MYO9B: variants seen among roughly 807,000 people sequenced by gnomAD.
The protein encoded by MYO9B is unconventional myosin-IXb.
A neutral mutation model predicts 229.5 loss-of-function variants in MYO9B; 71 were observed. The observed-to-expected ratio is 0.31, with a 90% CI of 0.26 to 0.38. The LOEUF (loss-of-function observed/expected upper bound fraction) is 0.38, where lower values mean the gene tolerates loss of function less well. Ranked by LOEUF, MYO9B falls within the 10% of genes least tolerant of loss-of-function variation. The pLI is 1.00. For missense variants in MYO9B, 2,255 were observed against 2,920.5 expected (o/e 0.77, Z 5.25); for synonymous variants, 1,185 against 1,235.8 (o/e 0.96, Z 0.86).
intron 11 of MYO9B, among the ~76,000 whole-genome samples, chr19:17,170,191 C>A (rs2072707551): frequency 1.3e-5 from 2 of 152,048 alleles, no homozygotes; most frequent in East Asian, 1.9e-4. Flanking sequence ...GCCATTACAC[C>A]TGACCCTGTC....
Position 17,212,371 on chromosome 19 carries a change from A to G in MYO9B, c.*61A>G. On this transcript the variant is annotated 3_prime_UTR_variant, in exon 40 of 40. Transcript: ENST00000682292. This position sits in a 1 kb window ranked among gnomAD's most constrained non-coding sequence, Gnocchi z 5.4. ...GGCCCCTGCACTGGAGCTGGGCGCC[A>G]GAGCTGCAGAGCTAGTGTTCGGCCC... 1 of 1,403,782 alleles carries G rather than the reference A, an allele frequency of 7.1e-7. No individual in the cohort carries two copies. Among genetic ancestry groups the G allele is most frequent in the Non-Finnish European group, 9.3e-7 (1 of 1,078,320 alleles). 87.0% of individuals were successfully genotyped at this position (1,403,782 alleles called of 1,614,324 possible).
chr19:17,140,177 C>T (rs1010229811), intron 2 of MYO9B, among the ~76,000 whole-genome samples: 10 of 152,142 alleles, frequency 6.6e-5, no homozygotes, highest in Admixed American at 5.2e-4. Flanking sequence ...TGTGGTCCAT[C>T]GTTGATGGTC....
chr19:17,076,965 C>T (rs1046239584), intron 1 of MYO9B, among the ~76,000 whole-genome samples: 1 of 152,150 alleles, frequency 6.6e-6, no homozygotes, highest in African/African-American at 2.4e-5. Context: ...CCTGGGCACC[C>T]TGGAGGCCAG....
At chr19:17,186,653 G>A (rs908709313) in intron 18 of MYO9B, among the ~76,000 whole-genome samples, 4 of 152,122 alleles carry the variant, frequency 2.6e-5, no homozygotes, top group African/African-American at 4.8e-5. Flanking sequence ...GCACTGGAGG[G>A]TGGCAGCATC....
intron 2 of MYO9B, among the ~76,000 whole-genome samples, chr19:17,130,447 C>G (rs1047405511): frequency 2.0e-5 from 3 of 152,004 alleles, no homozygotes; most frequent in African/African-American, 7.2e-5. Flanking sequence ...GAAACCCTGT[C>G]TCTACTAAAA....
At chr19:17,109,165 G>A (rs573950662) in intron 2 of MYO9B, among the ~76,000 whole-genome samples, 28 of 151,244 alleles carry the variant, frequency 1.9e-4, no homozygotes, top group Admixed American at 4.6e-4. Flanking sequence ...TCCCGGGTTC[G>A]TGCCATTCTC....
At chr19:17,082,540 G>A (rs527584338) in intron 1 of MYO9B, among the ~76,000 whole-genome samples, 15 of 152,236 alleles carry the variant, frequency 9.9e-5, no homozygotes, top group African/African-American at 1.4e-4. Flanking sequence ...AGACGAGATC[G>A]GGGGCAGGAG....
intron 1 of MYO9B, among the ~76,000 whole-genome samples, chr19:17,085,062 G>T (rs2057569670): frequency 6.6e-6 from 1 of 152,124 alleles, no homozygotes; most frequent in Non-Finnish European, 1.5e-5. Flanking sequence ...CTGGCCTGAG[G>T]TGACTTCTTT....
Position 17,212,285 on chromosome 19 carries a change from C to T in MYO9B, c.6449C>T (p.Pro2150Leu). The part of the protein sequence containing the change: ...YSDPPTYCLP[P>L]ASGQTNG ...GATCCCCCAACGTACTGCCTGCCCC[C>T]CGCCTCGGGCCAGACCAATGGCTGA... The change falls in exon 40 of 40, where the codon CCC becomes CTC. Residue 2150 changes from proline (P) to leucine (L), a missense_variant. Coordinates refer to ENST00000682292, the MANE Select transcript of MYO9B (RefSeq NM_004145.4). This position sits in a 1 kb window ranked among gnomAD's most constrained non-coding sequence, Gnocchi z 5.4. The T allele has an allele frequency of 6.5e-7, 1 of 1,531,418 alleles. No individual in the cohort carries two copies. 94.9% of individuals were successfully genotyped at this position (1,531,418 alleles called of 1,614,324 possible).
rs1228461503 is a variant in MYO9B, at chr19:17,127,789, C to T, written c.841-17608C>T. On this transcript the variant is annotated intron_variant, in intron 2 of 39. Transcript: ENST00000682292. The stretch of plus-strand genomic sequence containing the variant: ...GCCCCTACCTGTTTGTCTGTGACCG[C>T]TTTCCTGCCACATTGGCAGAGCTGA... 3.0e-4 allele frequency among the ~76,000 whole-genome samples: 45 copies of T among 152,222 alleles called. 1 individual carries two copies. Among genetic ancestry groups the T allele is most frequent in the Admixed American group, 2.9e-3 (45 of 15,268 alleles).
chr19:17,135,760 G>T (rs975573182), intron 2 of MYO9B, among the ~76,000 whole-genome samples: 1 of 152,130 alleles, frequency 6.6e-6, no homozygotes, highest in Non-Finnish European at 1.5e-5. Flanking sequence ...ATGGTGGTGG[G>T]AGGGGCCCCT....
rs370830728 is a variant in MYO9B, at chr19:17,206,396, G to A, written c.5386+20G>A. ...CCGTCGGTGAGCCCCATGGCGGTGC[G>A]GGTGGCAGCAGGTGGCCACAGCCAG... is the stretch of plus-strand genomic sequence containing the variant. On this transcript the variant is annotated intron_variant, in intron 33 of 39. Transcript: ENST00000682292. 2.1e-4 allele frequency: 330 copies of A among 1,605,362 alleles called. No homozygotes were observed. The highest frequency in any genetic ancestry group is 2.6e-4 in the Non-Finnish European group (310 of 1,178,178).
intron 2 of MYO9B, among the ~76,000 whole-genome samples, chr19:17,107,971 T>TACCTGGCCCCTGGCAAGTCCC (rs1438623843): frequency 2.0e-5 from 3 of 152,218 alleles, no homozygotes; most frequent in African/African-American, 7.2e-5. Flanking sequence ...CTTCAAGTCC[T>TACCTGGCCCCTGGCAAGTCCC]ACCTGGCCCC....
chr19:17,084,454 A>G (rs1321034878), intron 1 of MYO9B, among the ~76,000 whole-genome samples: 9 of 152,084 alleles, frequency 5.9e-5, no homozygotes, highest in African/African-American at 2.2e-4. Flanking sequence ...CACTGCTGAT[A>G]TTTGTGGCTG....
intron 2 of MYO9B, among the ~76,000 whole-genome samples, chr19:17,126,459 A>G (rs553872882): frequency 6.6e-6 from 1 of 152,286 alleles, no homozygotes; most frequent in East Asian, 1.9e-4. Flanking sequence ...TTTTCTCACG[A>G]AAACCAGACA....
At chr19:17,210,418 C>G in intron 37 of MYO9B, 38 bp downstream of exon 37, 1 of 1,552,412 alleles carries the variant, frequency 6.4e-7, no homozygotes, top group Non-Finnish European at 8.7e-7. Context: ...TGCATGTCTC[C>G]CGGTGCAGTG....
intron 8 of MYO9B, among the ~76,000 whole-genome samples, chr19:17,161,403 T>G (rs1490381119): frequency 2.0e-5 from 3 of 152,110 alleles, no homozygotes; most frequent in African/African-American, 2.4e-5. Flanking sequence ...CCTTGGCTGG[T>G]TGCAGTGGCT....
At chr19:17,160,508 T>TTG (rs2072586716) in intron 8 of MYO9B, among the ~76,000 whole-genome samples, 2 of 123,070 alleles carry the variant, frequency 1.6e-5, no homozygotes, top group African/African-American at 7.9e-5. Flanking sequence ...CTTCTTTTTT[T>TTG]TCTTTTTTTT....
intron 15 of MYO9B, among the ~76,000 whole-genome samples, chr19:17,181,581 G>C (rs1478500428): frequency 6.6e-6 from 1 of 152,182 alleles, no homozygotes; most frequent in African/African-American, 2.4e-5. Context: ...TGACTCTCAT[G>C]CTTCCATTAT....
Sources: gnomAD v4.1 joint callset for allele counts (sites outside exome capture counted in the v4.1 genomes callset) on GRCh38, gnomAD v4.1.1 for gene constraint, Gnocchi (gnomAD v3.1) non-coding constraint, MANE v1.5 for transcripts, NCBI Gene and HGNC (gene_info 2026-07-23, HGNC 2026-07-21) for gene names.